The following POLR1E variants were observed in gnomAD, a reference collection of about 807,000 sequenced individuals.
The protein encoded by POLR1E is RNA polymerase I subunit E.
A neutral mutation model predicts 50.9 loss-of-function variants in POLR1E; 37 were observed. The ratio of observed to expected loss-of-function variants is 0.73; its 90% CI spans 0.56 to 0.96. POLR1E has a LOEUF of 0.96. Ranked by LOEUF, POLR1E falls within the 40% of genes least tolerant of loss-of-function variation. The pLI is 0.00. For synonymous variants in POLR1E, 166 were observed against 191.6 expected, an observed-to-expected ratio of 0.87 and a Z score of 1.10; for missense variants, 426 against 518.1, an observed-to-expected ratio of 0.82 and a Z score of 1.73.
chr9:37,492,344 G>C (rs1820700355), intron 4 of POLR1E: 9 of 1,302,490 alleles, frequency 6.9e-6, no homozygotes, highest in Non-Finnish European at 9.1e-6. Context: ...TTCTAATCCT[G>C]TCTCTGCCAC....
At chr9:37,488,729 G>A (rs759017838) in intron 3 of POLR1E, among the ~76,000 whole-genome samples, 1 of 151,512 alleles carries the variant, frequency 6.6e-6, no homozygotes, top group Admixed American at 6.6e-5. Context: ...TTACACTACC[G>A]CAGTGAGCCC....
chr9:37,500,117 G>A (rs1301381716), intron 9 of POLR1E, among the ~76,000 whole-genome samples: 1 of 151,516 alleles, frequency 6.6e-6, no homozygotes, highest in African/African-American at 2.4e-5. Context: ...CTAAAGTGCT[G>A]GGGTTACAAG....
rs925782235 is a variant in POLR1E, at chr9:37,492,140, G to T, written c.344-517G>T. ...CAGAGGTTAGATGACCTTATCAGGG[G>T]TGATGGCTGAGATAACAGGCAAGGC... is the stretch of plus-strand genomic sequence containing the variant. On this transcript the variant is annotated intron_variant, in intron 4 of 11. Coordinates refer to ENST00000377798, the MANE Select transcript of POLR1E (RefSeq NM_022490.4). 3 of 551,368 alleles carry T rather than the reference G, an allele frequency of 5.4e-6. No homozygotes were observed. In the South Asian group the frequency reaches 6.1e-5, roughly 11 times the overall value. 34.2% of individuals were successfully genotyped at this position (551,368 alleles called of 1,614,324 possible).
intron 2 of POLR1E, 90 bp from the exon 3 acceptor site, chr9:37,487,773 C>G: frequency 1.6e-6 from 2 of 1,255,466 alleles, no homozygotes; most frequent in South Asian, 2.5e-5. Flanking sequence ...AGTCTGGATT[C>G]AAAAGCCTCA....
At position 37,498,071 on chromosome 9, in the gene POLR1E, T is replaced by G. The variant is rs1820815574; in HGVS notation, c.753-20T>G. ...CCATCTTACCCTGACACAGGCCTCC[T>G]TTTCTTTTCCTTGTTTTAGCCATTG... On this transcript the variant is annotated intron_variant, in intron 8 of 11. Transcript: ENST00000377798. 2 of 1,609,738 alleles carry G rather than the reference T, an allele frequency of 1.2e-6. No individual in the cohort carries two copies. The highest frequency in any genetic ancestry group is 8.5e-7 in the Non-Finnish European group (1 of 1,178,498).
rs1015747750 is a variant in POLR1E at position 37,492,441 on chromosome 9, A to C, written c.344-216A>C. The C allele has an allele frequency of 4.2e-5, 38 of 898,848 alleles. No homozygotes were observed. The African/African-American group carries it at 5.9e-4, about 14-fold the overall frequency. 55.7% of individuals were successfully genotyped at this position (898,848 alleles called of 1,614,324 possible). On this transcript the variant is annotated intron_variant, in intron 4 of 11. Coordinates refer to ENST00000377798, the MANE Select transcript of POLR1E (RefSeq NM_022490.4). ...TAAAATGAAGAGGTTGGGCTGGATG[A>C]CCGCTTGATTTGGCTAATTTATTTT... is the stretch of plus-strand genomic sequence containing the variant.
chr9:37,502,407 C>A (rs1407508330), intron 11 of POLR1E, among the ~76,000 whole-genome samples: 1 of 152,226 alleles, frequency 6.6e-6, no homozygotes, highest in African/African-American at 2.4e-5. Context: ...TATGTTTGCA[C>A]TTCTCTGACC....
intron 4 of POLR1E, among the ~76,000 whole-genome samples, chr9:37,492,054 C>A (rs1401857777): frequency 6.6e-6 from 1 of 152,090 alleles, no homozygotes; most frequent in Admixed American, 6.6e-5. Context: ...ACTTTCCATG[C>A]ATATACCAAC....
Position 37,487,894 on chromosome 9 carries a change from GA to G in POLR1E, c.215del (p.Asn72ThrfsTer21), listed in dbSNP as rs771597996. The G allele has an allele frequency of 3.7e-6, 6 of 1,614,080 alleles. No individual in the cohort carries two copies. The highest frequency in any genetic ancestry group is 5.1e-6 in the Non-Finnish European group (6 of 1,180,020). ...GAAACAGATAGGCTCTCCTATGTGG[GA>G]AACAATTTTGGGACTGGAGCCCTCA... Reference protein sequence around the residue: ...AAETDRLSYVGNNFGTGALKC... With the variant: ...AAETDRLSYVXNNFGTGALKC... On this transcript the variant is annotated frameshift_variant, in exon 3 of 12. Transcript: ENST00000377798. LOFTEE classifies it high-confidence loss of function.
chr9:37,497,976 C>A (rs1820813396), intron 8 of POLR1E, 115 bp from the exon 9 acceptor site: 1 of 1,215,950 alleles, frequency 8.2e-7, no homozygotes, highest in Non-Finnish European at 1.1e-6. Context: ...GTTTCATCAG[C>A]TGTTGAGTGC....
intron 9 of POLR1E, among the ~76,000 whole-genome samples, chr9:37,500,619 C>T (rs938275599): frequency 7.9e-5 from 12 of 152,288 alleles, no homozygotes; most frequent in Non-Finnish European, 1.5e-4. Flanking sequence ...GTCATTGCCC[C>T]ATCACCAGCA....
In POLR1E at chr9:37,486,916, G is replaced by A; in HGVS notation, c.180+110G>A. On this transcript the variant is annotated intron_variant, in intron 2 of 11. Transcript: ENST00000377798. ...GAGAAAAAGGGGAGTAGTAGCAAAT[G>A]GAGCTTTGAAGAACTCTGATGCCCA... 3 of 1,300,158 alleles carry A rather than the reference G, an allele frequency of 2.3e-6. No individual in the cohort carries two copies. The South Asian group carries it at 4.4e-5, about 19-fold the overall frequency. 80.5% of individuals were successfully genotyped at this position (1,300,158 alleles called of 1,614,324 possible).
chr9:37,486,775 C>G lies in POLR1E; in HGVS notation c.149C>G (p.Thr50Ser). 1.2e-6 allele frequency: 2 copies of G among 1,613,618 alleles called. No individual in the cohort carries two copies. The highest frequency in any genetic ancestry group is 1.7e-6 in the Non-Finnish European group (2 of 1,179,928). ...ACCTTGTATGAGAACAAAGATTCCA[C>G]CAACCCCAGGAAGAGGAATCAACGG... ...RFTLYENKDS[T>S]NPRKRNQRIL... The change falls in exon 2 of 12, where the codon ACC becomes AGC. Residue 50 changes from threonine (T) to serine (S), a missense_variant. Thr to Ser is a moderately conservative substitution (Grantham distance 58). Transcript: ENST00000377798.
intron 8 of POLR1E, among the ~76,000 whole-genome samples, chr9:37,497,745 C>A (rs1377627160): frequency 6.6e-6 from 1 of 152,158 alleles, no homozygotes; most frequent in Non-Finnish European, 1.5e-5. Flanking sequence ...ACTGGCCCTT[C>A]ATCAGCTGCT....
chr9:37,501,573 AC>A, intron 10 of POLR1E, 139 bp from the exon 11 acceptor site: 2 of 1,035,048 alleles, frequency 1.9e-6, no homozygotes, highest in Non-Finnish European at 2.8e-6. Context: ...GGGCAAAGTC[AC>A]CCACATTCCT....
At chr9:37,499,986 G>T (rs1008756894) in intron 9 of POLR1E, among the ~76,000 whole-genome samples, 4 of 151,496 alleles carry the variant, frequency 2.6e-5, no homozygotes, top group Non-Finnish European at 5.9e-5. Context: ...GAGTAGCTGG[G>T]ATTATAGGCG....
chr9:37,502,268 C>A (rs1329072657), intron 11 of POLR1E, among the ~76,000 whole-genome samples: 1 of 152,192 alleles, frequency 6.6e-6, no homozygotes, highest in East Asian at 1.9e-4. Flanking sequence ...GAGTGCAGCT[C>A]AGGGTGGAAG....
In POLR1E at chr9:37,486,116, T is replaced by C. The variant is rs1344124288; in HGVS notation, c.69T>C (p.Ala23=). The C allele has an allele frequency of 6.3e-7, 1 of 1,598,106 alleles. No individual in the cohort carries two copies. The highest frequency in any genetic ancestry group is 8.5e-7 in the Non-Finnish European group (1 of 1,173,826). Residue 23 remains alanine, a synonymous_variant, in exon 1 of 12, where the codon GCT becomes GCC. Transcript: ENST00000377798. The part of the protein sequence containing the change: ...YCGAPDGSQR[A]VLVQFSNGKL... ...GGGCGCCCGACGGGAGCCAGAGAGC[T>C]GTACTGGGTAAAGACTGCGGAGCTG...
intron 4 of POLR1E, chr9:37,492,242 C>T (rs756363740): frequency 1.2e-5 from 15 of 1,286,520 alleles, no homozygotes; most frequent in Middle Eastern, 2.5e-4. Flanking sequence ...TGGAGAGCAT[C>T]GGTAAGTACC....
Sources: gnomAD v4.1 joint callset for allele counts (sites outside exome capture counted in the v4.1 genomes callset) on GRCh38, gnomAD v4.1.1 for gene constraint, MANE v1.5 for transcripts, NCBI Gene and HGNC (gene_info 2026-07-23, HGNC 2026-07-21) for gene names.